Variants in S100A7A observed in about 807,000 individuals in gnomAD.
S100A7A encodes protein S100-A7A.
A neutral mutation model predicts 4.0 loss-of-function variants in S100A7A; 5 were observed. The observed-to-expected ratio is 1.26, with a 90% CI of 0.66 to 2.66. The LOEUF (loss-of-function observed/expected upper bound fraction) is 2.66, where lower values mean the gene tolerates loss of function less well. Ranked by LOEUF, S100A7A falls within the 30% of genes most tolerant of loss-of-function variation. The pLI is 0.01. For synonymous variants in S100A7A, 52 were observed against 46.4 expected (o/e 1.12, Z -0.49); for missense variants, 159 against 125.1 (o/e 1.27, Z -1.29).
Position 153,421,038 on chromosome 1 carries a change from C to T in S100A7A, c.*1729C>T, listed in dbSNP as rs1359135782. 1.3e-5 allele frequency: 2 copies of T among 152,278 alleles called. No individual in the cohort carries two copies. The highest frequency in any genetic ancestry group is 2.9e-5 in the Non-Finnish European group (2 of 68,126). The allele number at this position is 152,278 out of a possible 1,614,324, so 9.4% of individuals were successfully genotyped here. A position where few individuals can be genotyped will look rare whatever the true frequency, so the allele number is the denominator to read the frequency against. On this transcript the variant is annotated 3_prime_UTR_variant, in exon 3 of 3. Transcript: ENST00000368729. The stretch of plus-strand genomic sequence containing the variant: ...CAAAAGTGTGGGTGCCTGACTTCCT[C>T]TCTGTGCAGCACTCTCTGAATCCCT...
chr1:153,417,616 G>A (rs776530258), intron 1 of S100A7A, among the ~76,000 whole-genome samples: 21 of 152,282 alleles, frequency 1.4e-4, no homozygotes, highest in Non-Finnish European at 2.2e-4. Context: ...TGAAGCAGCC[G>A]AGGAGGGTCA....
In S100A7A at chr1:153,422,414, A is replaced by G; in HGVS notation, c.*3105A>G. 1.4e-6 allele frequency: 1 copy of G among 693,814 alleles called. No homozygotes were observed. Among genetic ancestry groups the G allele is most frequent in the Non-Finnish European group, 1.8e-6 (1 of 563,548 alleles). 43.0% of individuals were successfully genotyped at this position (693,814 alleles called of 1,614,324 possible). A position where few individuals can be genotyped will look rare whatever the true frequency, so the allele number is the denominator to read the frequency against. ...CAGAATTCAACCTTTGTTCTAACAC[A>G]TACTAGAGCAAGAATTTACTTGATT... On this transcript the variant is annotated 3_prime_UTR_variant, in exon 3 of 3. Coordinates refer to ENST00000368729, the MANE Select transcript of S100A7A (RefSeq NM_176823.4).
At position 153,420,411 on chromosome 1, in the gene S100A7A, C is replaced by G. The variant is rs1662868413; in HGVS notation, c.*1102C>G. Reference sequence around the variant, plus strand: ...CTTCCTTGAGGCTCACATCATGTGTCCCTATCACTCTTACTACTCTGGTCA... The same window carrying G: ...CTTCCTTGAGGCTCACATCATGTGTGCCTATCACTCTTACTACTCTGGTCA... On this transcript the variant is annotated 3_prime_UTR_variant, in exon 3 of 3. Coordinates refer to ENST00000368729, the MANE Select transcript of S100A7A (RefSeq NM_176823.4). 1 of 152,202 alleles carries G rather than the reference C, an allele frequency of 6.6e-6. No homozygotes were observed. The highest frequency in any genetic ancestry group is 6.5e-5 in the Admixed American group (1 of 15,288). 9.4% of individuals were successfully genotyped at this position (152,202 alleles called of 1,614,324 possible). A position where few individuals can be genotyped will look rare whatever the true frequency, so the allele number is the denominator to read the frequency against.
rs1163058575 is a variant in S100A7A, at chr1:153,419,401, A to G, written c.*92A>G. ...GCCTTATTTCTTCTTCTCTTTGGTG[A>G]CCTACATTGTCAAAACTACCAATTC... On this transcript the variant is annotated 3_prime_UTR_variant, in exon 3 of 3. Transcript: ENST00000368729. 8.6e-6 allele frequency: 12 copies of G among 1,392,564 alleles called. No homozygotes were observed. The highest frequency in any genetic ancestry group is 1.1e-5 in the Non-Finnish European group (11 of 1,023,104). 86.3% of individuals were successfully genotyped at this position (1,392,564 alleles called of 1,614,324 possible).
chr1:153,417,560 C>T (rs1436371528), intron 1 of S100A7A, among the ~76,000 whole-genome samples: 1 of 152,198 alleles, frequency 6.6e-6, no homozygotes, highest in Non-Finnish European at 1.5e-5. Context: ...CTGTGTCATG[C>T]AGGGCTTGCA....
In S100A7A at chr1:153,423,139, A is replaced by G. The variant is rs1662940520; in HGVS notation, c.*3830A>G. On this transcript the variant is annotated 3_prime_UTR_variant, in exon 3 of 3. Transcript: ENST00000368729. ...CTTTCTTTGGCCTTAATATTATTGG[A>G]TTAAAGAATTACTGCCTCTCACTAG... The G allele has an allele frequency of 6.6e-6, 1 of 152,180 alleles. No homozygotes were observed. Among genetic ancestry groups the G allele is most frequent in the Admixed American group, 6.5e-5 (1 of 15,276 alleles). 9.4% of individuals were successfully genotyped at this position (152,180 alleles called of 1,614,324 possible). A position where few individuals can be genotyped will look rare whatever the true frequency, so the allele number is the denominator to read the frequency against.
chr1:153,422,515 C>T lies in S100A7A; in HGVS notation c.*3206C>T, dbSNP rs1662923448. 1.0e-6 allele frequency: 1 copy of T among 985,166 alleles called. No homozygotes were observed. Among genetic ancestry groups the T allele is most frequent in the Admixed American group, 6.1e-5 (1 of 16,270 alleles). The allele number at this position is 985,166 out of a possible 1,614,324, so 61.0% of individuals were successfully genotyped here. ...TACTTGACAGCTCTATGCCCACACTCACATTACAGCTGATGTGAAAGAGAT... is the reference window on the plus strand; with the variant it reads ...TACTTGACAGCTCTATGCCCACACTTACATTACAGCTGATGTGAAAGAGAT... On this transcript the variant is annotated 3_prime_UTR_variant, in exon 3 of 3. Coordinates refer to ENST00000368729, the MANE Select transcript of S100A7A (RefSeq NM_176823.4).
In S100A7A at chr1:153,420,294, C is replaced by A. The variant is rs1662864673; in HGVS notation, c.*985C>A. The A allele has an allele frequency of 6.6e-6, 1 of 152,294 alleles. No individual in the cohort carries two copies. The allele number at this position is 152,294 out of a possible 1,614,324, so 9.4% of individuals were successfully genotyped here. On this transcript the variant is annotated 3_prime_UTR_variant, in exon 3 of 3. Transcript: ENST00000368729. ...GACACAGTGCTGTCCTAGCAGTGCA[C>A]TGGCGGGTCTCTCCATGCAGGCCAC...
chr1:153,419,087 C>A (rs1379534656), intron 2 of S100A7A, 58 bp from the exon 3 acceptor site: 55 of 1,582,230 alleles, frequency 3.5e-5, no homozygotes, highest in Non-Finnish European at 4.5e-5. Flanking sequence ...TCTCCCCTCC[C>A]AGCCCAAAAC....
Position 153,418,125 on chromosome 1 carries a change from G to C in S100A7A, c.43G>C (p.Asp15His). The C allele has an allele frequency of 1.2e-6, 2 of 1,614,088 alleles. No homozygotes were observed. Among genetic ancestry groups the C allele is most frequent in the South Asian group, 1.1e-5 (1 of 91,074 alleles). Reference sequence around the variant, plus strand: ...TGAGAGGTCCATAATAGGCATGATCGACATGTTTCACAAATACACCGGACG... The same window carrying C: ...TGAGAGGTCCATAATAGGCATGATCCACATGTTTCACAAATACACCGGACG... ...QAERSIIGMIDMFHKYTGRDG... is the reference protein window; with the variant it reads ...QAERSIIGMIHMFHKYTGRDG... The change falls in exon 2 of 3, where the codon GAC (aspartate) becomes CAC (histidine). Residue 15 changes from aspartate to histidine, a missense_variant. Asp to His is a moderately conservative substitution (Grantham distance 81). Transcript: ENST00000368729.
rs1662933635 is a variant in S100A7A at position 153,422,926 on chromosome 1, C to T, written c.*3617C>T. The T allele has an allele frequency of 6.6e-6, 1 of 152,210 alleles. No individual in the cohort carries two copies. Among genetic ancestry groups the T allele is most frequent in the Non-Finnish European group, 1.5e-5 (1 of 68,034 alleles). The allele number at this position is 152,210 out of a possible 1,614,324, so 9.4% of individuals were successfully genotyped here. On this transcript the variant is annotated 3_prime_UTR_variant, in exon 3 of 3. Coordinates refer to ENST00000368729, the MANE Select transcript of S100A7A (RefSeq NM_176823.4). ...ACTATAAAAACACCATGAGAGCATA[C>T]TCATACATGTTCCCTTATAAATCTG...
At position 153,416,559 on chromosome 1, in the gene S100A7A, T is replaced by C. The variant is rs1007675152; in HGVS notation, c.-22T>C. ...TCCTTCTACTCGTGACACTTCCCAG[T>C]TCTGGTAAGTCTCACCTGCCTCTTT... On this transcript the variant is annotated 5_prime_UTR_variant, in exon 1 of 3. Coordinates refer to ENST00000368729, the MANE Select transcript of S100A7A (RefSeq NM_176823.4). The C allele has an allele frequency of 1.2e-5, 6 of 486,448 alleles. 1 individual carries two copies. The highest frequency in any genetic ancestry group is 4.0e-5 in the African/African-American group (2 of 50,188). 30.1% of individuals were successfully genotyped at this position (486,448 alleles called of 1,614,324 possible). A position where few individuals can be genotyped will look rare whatever the true frequency, so the allele number is the denominator to read the frequency against.
chr1:153,421,764 G>A lies in S100A7A; in HGVS notation c.*2455G>A, dbSNP rs1424715592. ...ATCGCTACAGTCCAGAAGGCAATTG[G>A]CCACTCCTAATGTGGGCCTGCCCTC... On this transcript the variant is annotated 3_prime_UTR_variant, in exon 3 of 3. Coordinates refer to ENST00000368729, the MANE Select transcript of S100A7A (RefSeq NM_176823.4). 1 of 152,196 alleles carries A rather than the reference G, an allele frequency of 6.6e-6. No homozygotes were observed. The highest frequency in any genetic ancestry group is 1.5e-5 in the Non-Finnish European group (1 of 68,034). The allele number at this position is 152,196 out of a possible 1,614,324, so 9.4% of individuals were successfully genotyped here.
chr1:153,421,483 T>A lies in S100A7A; in HGVS notation c.*2174T>A, dbSNP rs1268200420. ...GCTCATAATAAGTACTCTATATCAT[T>A]TTTCAATATAAAATGTATTTGTGCA... On this transcript the variant is annotated 3_prime_UTR_variant, in exon 3 of 3. Coordinates refer to ENST00000368729, the MANE Select transcript of S100A7A (RefSeq NM_176823.4). 1 of 152,224 alleles carries A rather than the reference T, an allele frequency of 6.6e-6. No homozygotes were observed. Among genetic ancestry groups the A allele is most frequent in the East Asian group, 1.9e-4 (1 of 5,206 alleles). The allele number at this position is 152,224 out of a possible 1,614,324, so 9.4% of individuals were successfully genotyped here.
chr1:153,417,208 T>A (rs1344076745), intron 1 of S100A7A: 2 of 152,272 alleles, frequency 1.3e-5, no homozygotes, highest in Admixed American at 1.3e-4. Context: ...AGAGCTGCAC[T>A]GTCTTATTTT....
chr1:153,417,984 T>A lies in S100A7A; in HGVS notation c.-17-82T>A. On this transcript the variant is annotated intron_variant, in intron 1 of 2. Coordinates refer to ENST00000368729, the MANE Select transcript of S100A7A (RefSeq NM_176823.4). The stretch of plus-strand genomic sequence containing the variant: ...CCATCTTAGGGCTGTTTTTACTCTG[T>A]CCTCAGCCCTCCTTCTAACACCCCC... 3 of 1,541,398 alleles carry A rather than the reference T, an allele frequency of 1.9e-6. No homozygotes were observed. The East Asian group carries it at 6.8e-5, about 35-fold the overall frequency.
intron 2 of S100A7A, among the ~76,000 whole-genome samples, chr1:153,418,718 G>A (rs1425918566): frequency 1.3e-5 from 2 of 152,212 alleles, no homozygotes; most frequent in African/African-American, 4.8e-5. Flanking sequence ...AGGGAACCCA[G>A]AAGATGAGTT....
rs3014815 is a variant in S100A7A at position 153,420,517 on chromosome 1, T to C, written c.*1208T>C. The C allele has an allele frequency of 0.19, 28,869 of 152,252 alleles. 4,511 individuals carry two copies. Among genetic ancestry groups the C allele is most frequent in the African/African-American group, 0.43 (17,825 of 41,456 alleles). The allele number at this position is 152,252 out of a possible 1,614,324, so 9.4% of individuals were successfully genotyped here. On this transcript the variant is annotated 3_prime_UTR_variant, in exon 3 of 3. Coordinates refer to ENST00000368729, the MANE Select transcript of S100A7A (RefSeq NM_176823.4). ...CATCTCAAAAATTCTCTTTCCATCC[T>C]ACCAGCAGCAGTGTGTAAGATGGGC...
intron 1 of S100A7A, 39 bp downstream of exon 1, chr1:153,416,602 C>T: frequency 2.2e-6 from 1 of 451,726 alleles, no homozygotes; most frequent in African/African-American, 2.0e-5. Context: ...CTAGAAGTGC[C>T]CAGTGCCCAG....
Sources: allele counts gnomAD v4.1 joint callset (sites outside exome capture counted in the v4.1 genomes callset), GRCh38; gene constraint gnomAD v4.1.1; transcripts MANE v1.5; gene names NCBI Gene and HGNC (gene_info 2026-07-23, HGNC 2026-07-21).